Variants in CDK13 observed in about 807,000 individuals in gnomAD.
CDK13 encodes the protein cyclin-dependent kinase 13.
CDK13 carries 40 observed loss-of-function variants against 137.6 expected under a neutral mutation model. The observed-to-expected ratio is 0.29, with a 90% CI of 0.23 to 0.38. The LOEUF (loss-of-function observed/expected upper bound fraction) is 0.38. CDK13 is among the 10% of genes least tolerant of loss of function. The pLI is 1.00. For synonymous variants in CDK13, 869 were observed against 760.1 expected (o/e 1.14, Z -2.36); for missense variants, 1,704 against 1,951.8 (o/e 0.87, Z 2.39).
At chr7:39,999,631 GTT>G (rs1189083581) in intron 4 of CDK13, 131 bp downstream of exon 4, 1 of 901,102 alleles carries the variant, frequency 1.1e-6, no homozygotes, top group Non-Finnish European at 1.7e-6. Context: ...GTTTCATCTT[GTT>G]TTTTTATTCT....
chr7:40,063,190 A>G (rs1024762081), intron 9 of CDK13, 90 bp downstream of exon 9: 4 of 961,282 alleles, frequency 4.2e-6, no homozygotes, highest in Non-Finnish European at 4.9e-6. Flanking sequence ...CTTTTCAGGA[A>G]GAGAACAACA....
At chr7:40,048,027 G>T (rs1018805599) in intron 7 of CDK13, 150 bp downstream of exon 7, 8 of 482,848 alleles carry the variant, frequency 1.7e-5, no homozygotes, top group Non-Finnish European at 2.6e-5. Context: ...TACCATATTG[G>T]GTTGATTATT....
intron 6 of CDK13, among the ~76,000 whole-genome samples, chr7:40,046,350 TA>T (rs1400713761): frequency 6.6e-6 from 1 of 152,112 alleles, no homozygotes; most frequent in East Asian, 1.9e-4. Context: ...ACAAACTATG[TA>T]AAAATAATCA....
chr7:40,047,434 G>A (rs537311219), intron 6 of CDK13, among the ~76,000 whole-genome samples: 9 of 152,078 alleles, frequency 5.9e-5, no homozygotes, highest in Non-Finnish European at 1.2e-4. Context: ...ATGTCACTTC[G>A]TTCTTGAGCA....
At chr7:39,963,583 G>A (rs546372809) in intron 1 of CDK13, among the ~76,000 whole-genome samples, 1 of 152,316 alleles carries the variant, frequency 6.6e-6, no homozygotes, top group South Asian at 2.1e-4. Context: ...GGGACAATTT[G>A]ACTTTCTCTT....
chr7:40,017,489 T>C (rs927262893), intron 5 of CDK13, among the ~76,000 whole-genome samples: 2 of 152,140 alleles, frequency 1.3e-5, no homozygotes, highest in African/African-American at 4.8e-5. Context: ...GCCCATCTGA[T>C]AAGAGAAAGT....
chr7:39,976,017 A>G (rs1784097156), intron 1 of CDK13, among the ~76,000 whole-genome samples: 1 of 152,046 alleles, frequency 6.6e-6, no homozygotes. Context: ...CAAAATAGAT[A>G]AGAATTAAAC....
chr7:40,027,029 C>T (rs947936841), intron 5 of CDK13, among the ~76,000 whole-genome samples: 1 of 152,128 alleles, frequency 6.6e-6, no homozygotes, highest in African/African-American at 2.4e-5. Context: ...ACTAAAAAGA[C>T]AAGCGAAATT....
intron 5 of CDK13, among the ~76,000 whole-genome samples, chr7:40,039,826 G>C (rs1272901288): frequency 6.6e-6 from 1 of 151,910 alleles, no homozygotes; most frequent in Non-Finnish European, 1.5e-5. Flanking sequence ...GGTATTTTTA[G>C]CCATGCAGAG....
chr7:40,090,485 C>G (rs926234160), intron 12 of CDK13, among the ~76,000 whole-genome samples: 1 of 152,172 alleles, frequency 6.6e-6, no homozygotes, highest in African/African-American at 2.4e-5. Flanking sequence ...TCCAGAGTAA[C>G]TGGGATTACA....
Position 40,078,040 on chromosome 7 carries a change from C to G in CDK13, c.2816C>G (p.Pro939Arg). The change falls in exon 10 of 14, where the codon CCT becomes CGT. Residue 939 changes from proline to arginine, a missense_variant. Pro to Arg is a moderately radical substitution (Grantham distance 103, BLOSUM62 -2). Transcript: ENST00000181839. ...ICGSPCPAVWPDVIKLPYFNT... is the reference protein window; with the variant it reads ...ICGSPCPAVWRDVIKLPYFNT... The stretch of plus-strand genomic sequence containing the variant: ...GGGAGTCCATGTCCTGCAGTGTGGC[C>G]TGATGTAATCAAACTACCATATTTC... The G allele has an allele frequency of 6.3e-7, 1 of 1,595,072 alleles. No homozygotes were observed. Among genetic ancestry groups the G allele is most frequent in the Non-Finnish European group, 8.5e-7 (1 of 1,173,032 alleles).
chr7:40,071,745 T>G (rs1786426932), intron 9 of CDK13: 1 of 152,240 alleles, frequency 6.6e-6, no homozygotes, highest in Non-Finnish European at 1.5e-5. Context: ...TTTGAAACTG[T>G]TAAGCTCACG....
rs1351507283 is a variant in CDK13 at position 40,094,792 on chromosome 7, C to T, written c.4351C>T (p.His1451Tyr). The part of the protein sequence containing the change: ...SDPSTGPEST[H>Y]PLPAKMHNYN... The stretch of plus-strand genomic sequence containing the variant: ...CCCTTCCACGGGGCCAGAGAGTACT[C>T]ATCCTTTGCCAGCAAAGATGCACAA... The change falls in exon 14 of 14, where the codon CAT becomes TAT. Residue 1451 changes from histidine to tyrosine, a missense_variant. His to Tyr is a moderately conservative substitution (Grantham distance 83). Around this residue, in one of 5 missense-constraint regions of CDK13, gnomAD observed 475 missense variants for 579.3 expected, o/e 0.82. Transcript: ENST00000181839. The T allele has an allele frequency of 3.1e-6, 5 of 1,597,318 alleles. No homozygotes were observed. Among genetic ancestry groups the T allele is most frequent in the Admixed American group, 1.8e-5 (1 of 56,564 alleles).
chr7:40,042,981 C>T (rs1170867607), intron 5 of CDK13, among the ~76,000 whole-genome samples: 3 of 151,948 alleles, frequency 2.0e-5, no homozygotes, highest in South Asian at 4.1e-4. Flanking sequence ...CTCTCCATGT[C>T]GCCCCAGGCT....
intron 5 of CDK13, among the ~76,000 whole-genome samples, chr7:40,006,736 TG>T (rs1784802818): frequency 6.6e-6 from 1 of 152,118 alleles, no homozygotes; most frequent in Non-Finnish European, 1.5e-5. Context: ...GAGCCGAGAT[TG>T]CGCCACTGCA....
At chr7:40,040,951 A>G (rs1282283007) in intron 5 of CDK13, among the ~76,000 whole-genome samples, 1 of 152,212 alleles carries the variant, frequency 6.6e-6, no homozygotes, top group African/African-American at 2.4e-5. Flanking sequence ...GTGCTGTTTA[A>G]TGGAAATAGA....
intron 5 of CDK13, among the ~76,000 whole-genome samples, chr7:40,018,341 AT>A (rs2116388981): frequency 6.6e-6 from 1 of 152,204 alleles, no homozygotes; most frequent in African/African-American, 2.4e-5. Context: ...TATAATAATC[AT>A]TATTTCTTAA....
chr7:40,087,549 T>G (rs966713202), intron 11 of CDK13, among the ~76,000 whole-genome samples: 25 of 145,612 alleles, frequency 1.7e-4, no homozygotes, highest in Non-Finnish European at 2.9e-4. Flanking sequence ...TAGTGGTGTT[T>G]TTTTTTTTTT....
In CDK13 at chr7:39,950,518, TC is replaced by T. The variant is rs1482601790; in HGVS notation, c.-121del. On this transcript the variant is annotated 5_prime_UTR_variant, in exon 1 of 14. Transcript: ENST00000181839. ...CCGACCCGGATTATCGTGGCGCTTT[TC>T]CCGGCCGGCTCTGGTGCTCGGTGTC... is the stretch of plus-strand genomic sequence containing the variant. The T allele has an allele frequency of 7.9e-7, 1 of 1,266,992 alleles. No individual in the cohort carries two copies. The highest frequency in any genetic ancestry group is 4.2e-5 in the Admixed American group (1 of 23,766). 78.5% of individuals were successfully genotyped at this position (1,266,992 alleles called of 1,614,324 possible).
Sources: gnomAD v4.1 joint callset for allele counts (sites outside exome capture counted in the v4.1 genomes callset) on GRCh38, gnomAD v4.1.1 for gene constraint, gnomAD v4.1.1 regional missense constraint, MANE v1.5 for transcripts, NCBI Gene and HGNC (gene_info 2026-07-23, HGNC 2026-07-21) for gene names.